The following XKR9 variants were observed in gnomAD, a reference collection of about 807,000 sequenced individuals.
The protein encoded by XKR9 is XK related 9, also known as XK-related protein 9.
In XKR9, 32 loss-of-function variants were observed where a neutral mutation model predicts 32.0. That is an observed-to-expected ratio of 1.00 (90% CI 0.76 to 1.34). The LOEUF (loss-of-function observed/expected upper bound fraction) is 1.34, where lower values mean the gene tolerates loss of function less well. Among genes scored for constraint, XKR9 ranks in the 40% most tolerant of loss-of-function variants. The pLI is 0.00. For synonymous variants in XKR9, 168 were observed against 143.4 expected, an observed-to-expected ratio of 1.17 and a Z score of -1.22; for missense variants, 546 against 429.7, an observed-to-expected ratio of 1.27 and a Z score of -2.39.
the XKR9 span, among the ~76,000 whole-genome samples, chr8:70,895,793 TG>T: frequency 8.0e-6 from 1 of 124,342 alleles, no homozygotes; most frequent in Non-Finnish European, 1.6e-5. Context: ...GAGATCAGCC[TG>T]GGCAACATGG....
At chr8:70,749,313 G>T (rs914995890) in intron 2 of XKR9, among the ~76,000 whole-genome samples, 2 of 151,272 alleles carry the variant, frequency 1.3e-5, no homozygotes, top group African/African-American at 4.9e-5. Context: ...TGTGGGTGAC[G>T]AGAAGGAGAG....
chr8:70,723,050 C>T (rs1221450884), intron 4 of XKR9, among the ~76,000 whole-genome samples: 2 of 151,728 alleles, frequency 1.3e-5, no homozygotes, highest in Non-Finnish European at 1.5e-5. Context: ...TTAAGTTGAT[C>T]TTCAAACTCT....
At chr8:70,943,409 A>G in the XKR9 span, among the ~76,000 whole-genome samples, 5 of 152,196 alleles carry the variant, frequency 3.3e-5, no homozygotes. Context: ...GTAGGAGCAT[A>G]TGGATTTCAT....
At chr8:70,801,977 C>A in the XKR9 span, among the ~76,000 whole-genome samples, 6 of 151,098 alleles carry the variant, frequency 4.0e-5, no homozygotes, top group Non-Finnish European at 8.9e-5. Context: ...CTCTGTCGCC[C>A]AGAGACTGGA....
chr8:70,947,560 C>T, the XKR9 span, among the ~76,000 whole-genome samples: 1 of 152,164 alleles, frequency 6.6e-6, no homozygotes, highest in African/African-American at 2.4e-5. Context: ...TTTAAGACGA[C>T]ATATGCAGTA....
the XKR9 span, among the ~76,000 whole-genome samples, chr8:70,815,021 A>C: frequency 6.6e-6 from 1 of 152,232 alleles, no homozygotes; most frequent in Non-Finnish European, 1.5e-5. Flanking sequence ...AATGCCTAAT[A>C]GTTTATTTGT....
the XKR9 span, among the ~76,000 whole-genome samples, chr8:70,913,035 T>G: frequency 6.6e-6 from 1 of 152,140 alleles, no homozygotes; most frequent in African/African-American, 2.4e-5. Flanking sequence ...TTCAGGAAAT[T>G]AAAAATCATC....
At position 70,734,310 on chromosome 8, in the gene XKR9, T is replaced by G; in HGVS notation, c.1008T>G (p.Leu336=). ...CTCTTCTTCTTGGAATTCTTTTTCTTATTGTTTATTATGGGAGTTTTCACC... is the reference window on the plus strand; with the variant it reads ...CTCTTCTTCTTGGAATTCTTTTTCTGATTGTTTATTATGGGAGTTTTCACC... ...VLTLLLGILF[L]IVYYGSFHPN... is the part of the protein sequence containing the mutation. The change falls in exon 5 of 5, where the codon CTT becomes CTG. Residue 336 remains leucine (L), a synonymous_variant. Coordinates refer to ENST00000408926, the MANE Select transcript of XKR9 (RefSeq NM_001011720.2). 1.2e-6 allele frequency: 2 copies of G among 1,612,566 alleles called. No individual in the cohort carries two copies. The highest frequency in any genetic ancestry group is 1.7e-6 in the Non-Finnish European group (2 of 1,179,394).
chr8:70,875,997 T>A, the XKR9 span, among the ~76,000 whole-genome samples: 1 of 152,130 alleles, frequency 6.6e-6, no homozygotes, highest in Non-Finnish European at 1.5e-5. Context: ...TAAGCATATT[T>A]AATACAGAAA....
chr8:70,981,487 G>T, the XKR9 span, among the ~76,000 whole-genome samples: 3 of 152,020 alleles, frequency 2.0e-5, no homozygotes, highest in Non-Finnish European at 4.4e-5. Context: ...ATTTCCAGAA[G>T]TAGTGACTGT....
At chr8:70,844,598 A>G in the XKR9 span, among the ~76,000 whole-genome samples, 1 of 152,118 alleles carries the variant, frequency 6.6e-6, no homozygotes, top group Non-Finnish European at 1.5e-5. Context: ...GGGCCTGGGG[A>G]CAGGCCTGCT....
intron 2 of XKR9, among the ~76,000 whole-genome samples, chr8:70,750,895 T>A (rs1285453654): frequency 6.6e-6 from 1 of 152,146 alleles, no homozygotes; most frequent in Non-Finnish European, 1.5e-5. Flanking sequence ...TGTGTAGATG[T>A]TTTTGGATGA....
the XKR9 span, among the ~76,000 whole-genome samples, chr8:70,994,166 C>CA: frequency 6.6e-6 from 1 of 152,110 alleles, no homozygotes; most frequent in Non-Finnish European, 1.5e-5. Flanking sequence ...TGGACCAAGT[C>CA]AAAGATTAAT....
At chr8:70,945,450 A>G in the XKR9 span, among the ~76,000 whole-genome samples, 43 of 152,346 alleles carry the variant, frequency 2.8e-4, no homozygotes, top group African/African-American at 9.4e-4. Context: ...GCATCCCCCA[A>G]ATGGCACATG....
At chr8:70,912,573 T>C in the XKR9 span, among the ~76,000 whole-genome samples, 11 of 152,026 alleles carry the variant, frequency 7.2e-5, no homozygotes, top group African/African-American at 2.7e-4. Context: ...ATTGAGGAAT[T>C]AAGTTTTTGA....
chr8:71,041,630 T>G, the XKR9 span, among the ~76,000 whole-genome samples: 2 of 152,052 alleles, frequency 1.3e-5, no homozygotes, highest in Non-Finnish European at 2.9e-5. Context: ...TGGTGCAAGG[T>G]GATTGGATCA....
the XKR9 span, among the ~76,000 whole-genome samples, chr8:70,870,981 G>A: frequency 4.6e-5 from 7 of 152,184 alleles, no homozygotes; most frequent in African/African-American, 1.7e-4. Flanking sequence ...TCAACCACAA[G>A]TGGGGACTAT....
intron 3 of XKR9, among the ~76,000 whole-genome samples, chr8:70,690,294 T>C (rs1371624898): frequency 6.6e-6 from 1 of 152,088 alleles, no homozygotes; most frequent in Non-Finnish European, 1.5e-5. Flanking sequence ...CAGTGTCTGT[T>C]GTTTCCTTCT....
chr8:71,030,675 G>T, the XKR9 span, among the ~76,000 whole-genome samples: 1 of 152,170 alleles, frequency 6.6e-6, no homozygotes, highest in South Asian at 2.1e-4. Flanking sequence ...AGGCAAAAAA[G>T]AGAGTTTAGG....
Sources: allele counts gnomAD v4.1 joint callset (sites outside exome capture counted in the v4.1 genomes callset), GRCh38; gene constraint gnomAD v4.1.1; transcripts MANE v1.5; gene names NCBI Gene and HGNC (gene_info 2026-07-23, HGNC 2026-07-21).